The following ZFPM1 variants were observed in gnomAD, a reference collection of about 807,000 sequenced individuals.
ZFPM1 encodes the protein zinc finger protein, FOG family member 1.
In ZFPM1, 28 loss-of-function variants were observed where a neutral mutation model predicts 46.3. The observed-to-expected ratio is 0.60, with a 90% CI of 0.45 to 0.83. The LOEUF (loss-of-function observed/expected upper bound fraction) is 0.83, where lower values mean the gene tolerates loss of function less well. Ranked by LOEUF, ZFPM1 falls within the 40% of genes least tolerant of loss-of-function variation. ZFPM1 has a pLI of 0.00. For synonymous variants in ZFPM1, 957 were observed against 675.9 expected, an observed-to-expected ratio of 1.42 and a Z score of -6.45; for missense variants, 1,878 against 1,432.4, an observed-to-expected ratio of 1.31 and a Z score of -5.02.
intron 3 of ZFPM1, chr16:88,489,398 A>C: frequency 2.0e-6 from 1 of 501,084 alleles, no homozygotes; most frequent in Non-Finnish European, 3.4e-6. Context: ...GGTTCCCTGG[A>C]TCAGAGCCTG....
intron 4 of ZFPM1, among the ~76,000 whole-genome samples, chr16:88,517,060 A>G (rs906893782): frequency 6.6e-6 from 1 of 151,878 alleles, no homozygotes; most frequent in Non-Finnish European, 1.5e-5. Flanking sequence ...AACAGCTCCC[A>G]CCCCTGCCAC....
At chr16:88,454,590 C>T (rs1343539739) in intron 1 of ZFPM1, among the ~76,000 whole-genome samples, 1 of 152,266 alleles carries the variant, frequency 6.6e-6, no homozygotes, top group Non-Finnish European at 1.5e-5. Flanking sequence ...GCTGCCCCGC[C>T]GCCACATTGC....
intron 3 of ZFPM1, among the ~76,000 whole-genome samples, chr16:88,489,572 G>A (rs1426945348): frequency 6.6e-6 from 1 of 152,224 alleles, no homozygotes; most frequent in African/African-American, 2.4e-5. Flanking sequence ...CAGGCAGGCG[G>A]TCAGGCCTGA....
rs374556948 is a variant in ZFPM1 at position 88,488,233 on chromosome 16, C to G, written c.146-798C>G. Among the ~76,000 whole-genome samples, 116 of 151,968 alleles carry G rather than the reference C, an allele frequency of 7.6e-4. No individual in the cohort carries two copies. The South Asian group carries it at 0.015, about 20-fold the overall frequency. ...GGGCAGGTGGAGGTGGACTTTGACC[C>G]GGGCCGGCTTCCCGGGGAGCCAGGC... is the stretch of plus-strand genomic sequence containing the variant. On this transcript the variant is annotated intron_variant, in intron 2 of 9. Transcript: ENST00000319555.
rs868224120 is a variant in ZFPM1, at chr16:88,533,766, G to T, written c.1808G>T (p.Arg603Leu). Residue 603 changes from arginine to leucine, a missense_variant, in exon 10 of 10, where the codon CGC (arginine) becomes CTC (leucine). Coordinates refer to ENST00000319555, the MANE Select transcript of ZFPM1 (RefSeq NM_153813.3). ...YVHKRLYCSG[R>L]RAPEDAPAAR... is the part of the protein sequence containing the mutation. ...CACAAGCGCCTCTACTGTTCAGGCC[G>T]CCGTGCGCCCGAGGACGCGCCTGCC... The T allele has an allele frequency of 3.5e-6, 5 of 1,426,774 alleles. No individual in the cohort carries two copies. In the South Asian group the frequency reaches 5.2e-5, roughly 15 times the overall value. The allele number at this position is 1,426,774 out of a possible 1,614,324, so 88.4% of individuals were successfully genotyped here.
intron 1 of ZFPM1, among the ~76,000 whole-genome samples, chr16:88,479,962 C>T (rs1039305146): frequency 1.1e-4 from 16 of 150,952 alleles, no homozygotes; most frequent in African/African-American, 3.9e-4. Flanking sequence ...AGAGTAGAAA[C>T]AGTGACAGCA....
intron 1 of ZFPM1, among the ~76,000 whole-genome samples, chr16:88,467,302 A>G (rs1908179634): frequency 6.6e-6 from 1 of 152,156 alleles, no homozygotes; most frequent in Admixed American, 6.5e-5. Context: ...CCTGGTTCTC[A>G]CACACATCCC....
intron 1 of ZFPM1, among the ~76,000 whole-genome samples, chr16:88,463,233 G>A (rs1907980805): frequency 6.6e-6 from 1 of 152,246 alleles, no homozygotes; most frequent in African/African-American, 2.4e-5. Context: ...GGGGACAGGG[G>A]ACAGGGCCTC....
intron 1 of ZFPM1, among the ~76,000 whole-genome samples, chr16:88,456,874 G>A (rs761031504): frequency 3.9e-5 from 6 of 152,194 alleles, no homozygotes; most frequent in Non-Finnish European, 7.4e-5. Context: ...AGGGCCCATG[G>A]ATCCCACAGG....
Position 88,526,898 on chromosome 16 carries a change from A to T in ZFPM1, c.487A>T (p.Thr163Ser). The stretch of plus-strand genomic sequence containing the variant: ...GGCCCTGACTGAGGCCGAGGCCAAC[A>T]CAGAGATCCACAGGAAGGGTCAGTA... ...PQALTEAEAN[T>S]EIHRKDDALW... The change falls in exon 5 of 10, where the codon ACA (threonine) becomes TCA (serine). Residue 163 changes from threonine (T) to serine (S), a missense_variant. By Grantham distance (58) the Thr-to-Ser change is moderately conservative (BLOSUM62 1). Coordinates refer to ENST00000319555, the MANE Select transcript of ZFPM1 (RefSeq NM_153813.3). 6.4e-7 allele frequency: 1 copy of T among 1,573,754 alleles called. No homozygotes were observed. The highest frequency in any genetic ancestry group is 8.6e-7 in the Non-Finnish European group (1 of 1,159,670).
chr16:88,460,896 T>TGGGGC, intron 1 of ZFPM1, among the ~76,000 whole-genome samples: 1 of 110,672 alleles, frequency 9.0e-6, no homozygotes, highest in South Asian at 3.1e-4. Flanking sequence ...GACTGAGGGA[T>TGGGGC]GGGAGGCCTG....
At chr16:88,455,132 GGTGTGT>G (rs4047261) in intron 1 of ZFPM1, among the ~76,000 whole-genome samples, 3,490 of 141,734 alleles carry the variant, frequency 0.025, 67 homozygotes, top group Middle Eastern at 0.043. Context: ...TCGGTTCTGG[GGTGTGT>G]GTGTGTGTGT....
intron 4 of ZFPM1, among the ~76,000 whole-genome samples, chr16:88,523,770 C>T (rs779737890): frequency 1.8e-4 from 28 of 152,338 alleles, no homozygotes; most frequent in Non-Finnish European, 3.5e-4. Flanking sequence ...TTATCTTGCA[C>T]CCCTAGGTCT....
intron 1 of ZFPM1, among the ~76,000 whole-genome samples, chr16:88,483,033 A>G (rs58340675): frequency 0.12 from 17,914 of 152,128 alleles, 2,110 homozygotes; most frequent in African/African-American, 0.31. Context: ...TGAACCGGTC[A>G]GGGGTGGCCC....
intron 3 of ZFPM1, among the ~76,000 whole-genome samples, chr16:88,501,747 C>T (rs1910351207): frequency 6.6e-6 from 1 of 151,056 alleles, no homozygotes; most frequent in Non-Finnish European, 1.5e-5. Flanking sequence ...GTGCCGGGCC[C>T]TCCCGCTGGT....
intron 6 of ZFPM1, among the ~76,000 whole-genome samples, chr16:88,531,584 C>G (rs1912786913): frequency 6.6e-6 from 1 of 152,228 alleles, no homozygotes; most frequent in African/African-American, 2.4e-5. Flanking sequence ...CTGGCACTCC[C>G]ACGCACCTGC....
chr16:88,489,971 G>T (rs58374772), intron 3 of ZFPM1, among the ~76,000 whole-genome samples: 1 of 151,758 alleles, frequency 6.6e-6, no homozygotes, highest in South Asian at 2.1e-4. Context: ...GGTGGGGGTC[G>T]CAAGGTCCCC....
chr16:88,516,725 G>A lies in ZFPM1; in HGVS notation c.402+2205G>A, dbSNP rs941914759. On this transcript the variant is annotated intron_variant, in intron 4 of 9. Transcript: ENST00000319555. ...GCTGATAGGTCCCAGTTCTCTCCCC[G>A]ACCCCTCCCTGAGGAGGACGTTGCC... 5.1e-4 allele frequency: 202 copies of A among 396,048 alleles called. 3 individuals are homozygous for A. The highest frequency in any genetic ancestry group is 1.3e-3 in the Middle Eastern group (2 of 1,578). 24.5% of individuals were successfully genotyped at this position (396,048 alleles called of 1,614,324 possible).
chr16:88,519,052 G>A (rs965369335), intron 4 of ZFPM1, among the ~76,000 whole-genome samples: 4 of 26,026 alleles, frequency 1.5e-4, no homozygotes, highest in South Asian at 1.0e-3. Flanking sequence ...ATGGATAGAT[G>A]GATGGATGGA....
Sources: gnomAD v4.1 joint callset for allele counts (sites outside exome capture counted in the v4.1 genomes callset) on GRCh38, gnomAD v4.1.1 for gene constraint, MANE v1.5 for transcripts, NCBI Gene and HGNC (gene_info 2026-07-23, HGNC 2026-07-21) for gene names.